The following MPP7 variants were observed in gnomAD, a reference collection of about 807,000 sequenced individuals.
The protein encoded by MPP7 is MAGUK p55 subfamily member 7.
In MPP7, 60 loss-of-function variants were observed where a neutral mutation model predicts 76.5. The observed-to-expected ratio is 0.78, with a 90% CI of 0.64 to 0.97. The LOEUF (loss-of-function observed/expected upper bound fraction) is 0.97. MPP7 is among the 50% of genes least tolerant of loss of function. The pLI is 0.00. For synonymous variants in MPP7, 237 were observed against 244.5 expected (o/e 0.97, Z 0.29); for missense variants, 641 against 694.0 (o/e 0.92, Z 0.86).
At chr10:28,244,780 A>G (rs1177647529) in intron 1 of MPP7, among the ~76,000 whole-genome samples, 1 of 152,178 alleles carries the variant, frequency 6.6e-6, no homozygotes, top group African/African-American at 2.4e-5. Flanking sequence ...TCCATTTGCC[A>G]GGAAGGAGTA....
intron 2 of MPP7, among the ~76,000 whole-genome samples, chr10:28,224,449 C>T (rs967417871): frequency 4.0e-5 from 6 of 151,720 alleles, no homozygotes; most frequent in African/African-American, 1.5e-4. Context: ...AAACAAAGTG[C>T]TGTCACAAAA....
At chr10:28,332,290 C>T (rs544602156) in intron 1 of MPP7, among the ~76,000 whole-genome samples, 127 of 108,492 alleles carry the variant, frequency 1.2e-3, no homozygotes, top group African/African-American at 4.5e-3. Flanking sequence ...TAATAAATTG[C>T]GGCTAATCTT....
At chr10:28,318,198 C>G (rs1564771581) in intron 2 of MPP7, among the ~76,000 whole-genome samples, 1 of 152,206 alleles carries the variant, frequency 6.6e-6, no homozygotes, top group Non-Finnish European at 1.5e-5. Context: ...TTGGACTGAT[C>G]TATAATTGCA....
At chr10:28,184,109 AAAGAC>A (rs1174663757) in intron 3 of MPP7, among the ~76,000 whole-genome samples, 1 of 150,326 alleles carries the variant, frequency 6.7e-6, no homozygotes, top group East Asian at 1.9e-4. Context: ...ATTTATATAT[AAAGAC>A]AATATATTAA....
At chr10:28,054,740 A>G (rs1485984120) in intron 16 of MPP7, among the ~76,000 whole-genome samples, 3 of 152,116 alleles carry the variant, frequency 2.0e-5, no homozygotes, top group African/African-American at 7.2e-5. Flanking sequence ...GCAGTGGTGC[A>G]ATCCTGGCTC....
intron 3 of MPP7, among the ~76,000 whole-genome samples, chr10:28,165,808 T>C (rs1177583318): frequency 6.6e-6 from 1 of 152,126 alleles, no homozygotes; most frequent in Non-Finnish European, 1.5e-5. Context: ...GCAGATCACC[T>C]GAGTTCAGGA....
At chr10:28,096,409 A>C (rs1853572271) in intron 11 of MPP7, among the ~76,000 whole-genome samples, 1 of 151,940 alleles carries the variant, frequency 6.6e-6, no homozygotes, top group African/African-American at 2.4e-5. Flanking sequence ...AGTTGAGGGT[A>C]TTTTTTTCAT....
At chr10:28,070,579 A>G (rs1172227874) in intron 12 of MPP7, among the ~76,000 whole-genome samples, 1 of 152,222 alleles carries the variant, frequency 6.6e-6, no homozygotes, top group Non-Finnish European at 1.5e-5. Context: ...TCAGTTACGC[A>G]TTTTACATCT....
At chr10:28,093,468 C>T (rs1853417000) in intron 11 of MPP7, among the ~76,000 whole-genome samples, 1 of 138,608 alleles carries the variant, frequency 7.2e-6, no homozygotes, top group East Asian at 2.1e-4. Flanking sequence ...TTTCTTGAGA[C>T]AGGGTCTCAC....
At position 28,147,602 on chromosome 10, in the gene MPP7, A is replaced by C. The variant is rs756885076; in HGVS notation, c.235-39T>G. On this transcript the variant is annotated intron_variant, in intron 4 of 16. Coordinates refer to ENST00000683449, the MANE Select transcript of MPP7 (RefSeq NM_001318170.2). Reference sequence around the variant, plus strand: ...TACATTGACTTAAAGAACATTTAGTAAGAGCATTGTGGGATTGGGTGTGTG... The same window carrying C: ...TACATTGACTTAAAGAACATTTAGTCAGAGCATTGTGGGATTGGGTGTGTG... 4 of 1,573,364 alleles carry C rather than the reference A, an allele frequency of 2.5e-6. No individual in the cohort carries two copies. In the South Asian group the frequency reaches 4.4e-5, roughly 17 times the overall value.
intron 2 of MPP7, chr10:28,203,137 T>C (rs1013099281): frequency 6.6e-6 from 1 of 152,188 alleles, no homozygotes; most frequent in African/African-American, 2.4e-5. Context: ...CCAGTGGGAT[T>C]ACATGAGGTA....
At chr10:28,166,569 G>A (rs1023965032) in intron 3 of MPP7, among the ~76,000 whole-genome samples, 1 of 151,750 alleles carries the variant, frequency 6.6e-6, no homozygotes, top group Non-Finnish European at 1.5e-5. Flanking sequence ...CATCACACCC[G>A]GCTAATTTTG....
chr10:28,192,229 G>A (rs973139084), intron 3 of MPP7, among the ~76,000 whole-genome samples: 1 of 152,108 alleles, frequency 6.6e-6, no homozygotes, highest in African/African-American at 2.4e-5. Flanking sequence ...TCAGTATAAA[G>A]AAAAGATGTC....
At position 28,159,573 on chromosome 10, in the gene MPP7, G is replaced by A. The variant is rs113996691; in HGVS notation, c.157-9514C>T. Among the ~76,000 whole-genome samples the A allele has an allele frequency of 5.3e-3, 814 of 152,220 alleles. 8 individuals carry two copies. Among genetic ancestry groups the A allele is most frequent in the African/African-American group, 0.018 (763 of 41,536 alleles). On this transcript the variant is annotated intron_variant, in intron 3 of 16. Coordinates refer to ENST00000683449, the MANE Select transcript of MPP7 (RefSeq NM_001318170.2). ...TCCTGCATCCTATCTACTGGGACAC[G>A]CTGCTTTGGTTGAAGTTCATGAAGC...
chr10:28,309,403 G>T (rs1231555568), intron 2 of MPP7, among the ~76,000 whole-genome samples: 1 of 136,312 alleles, frequency 7.3e-6, no homozygotes, highest in African/African-American at 2.9e-5. Flanking sequence ...AACAGAGTGA[G>T]ACTCCATCTC....
intron 3 of MPP7, among the ~76,000 whole-genome samples, chr10:28,199,700 G>A (rs1009497823): frequency 3.3e-5 from 5 of 151,808 alleles, no homozygotes; most frequent in Non-Finnish European, 5.9e-5. Context: ...TTGACCTCCC[G>A]GGCTCATGCA....
rs1002948193 is a variant in MPP7 at position 28,074,284 on chromosome 10, C to CT, written c.1124-4433dup. ...TGCATCTAGATCCACCTAGAGCAAC[C>CT]TTTTTTTTTTTTAACTTGCTTATTT... On this transcript the variant is annotated intron_variant, in intron 12 of 16. Transcript: ENST00000683449. Among the ~76,000 whole-genome samples, 452 of 145,020 alleles carry CT rather than the reference C, an allele frequency of 3.1e-3. 2 individuals are homozygous for CT. Among genetic ancestry groups the CT allele is most frequent in the African/African-American group, 9.7e-3 (383 of 39,642 alleles).
chr10:28,221,381 A>G (rs1484999394), intron 2 of MPP7, among the ~76,000 whole-genome samples: 2 of 152,170 alleles, frequency 1.3e-5, no homozygotes, highest in Non-Finnish European at 2.9e-5. Context: ...AGAACAAAGG[A>G]GCAGCCAGCA....
At chr10:28,182,196 CAA>C (rs1491150444) in intron 3 of MPP7, among the ~76,000 whole-genome samples, 4 of 87,014 alleles carry the variant, frequency 4.6e-5, no homozygotes, top group Non-Finnish European at 7.6e-5. Flanking sequence ...AAAAAAATAG[CAA>C]AGGATATAAA....
Sources: allele counts gnomAD v4.1 joint callset (sites outside exome capture counted in the v4.1 genomes callset), GRCh38; gene constraint gnomAD v4.1.1; transcripts MANE v1.5; gene names NCBI Gene and HGNC (gene_info 2026-07-23, HGNC 2026-07-21).